The following ZFAND4 variants were observed in gnomAD, a reference collection of about 807,000 sequenced individuals.
The protein encoded by ZFAND4 is AN1-type zinc finger protein 4.
In ZFAND4, 43 loss-of-function variants were observed where a neutral mutation model predicts 64.4. The observed-to-expected ratio is 0.67, with a 90% CI of 0.52 to 0.86. The LOEUF (loss-of-function observed/expected upper bound fraction) is 0.86, where lower values mean the gene tolerates loss of function less well. Among genes scored for constraint, ZFAND4 ranks in the 40% least tolerant of loss-of-function variants. ZFAND4 has a pLI of 0.00. For synonymous variants in ZFAND4, 296 were observed against 305.7 expected (o/e 0.97, Z 0.33); for missense variants, 929 against 859.8 (o/e 1.08, Z -1.01).
rs1329469169 is a variant in ZFAND4, at chr10:45,616,170, A to G, written c.*266T>C. 7.4e-6 allele frequency: 3 copies of G among 406,180 alleles called. No individual in the cohort carries two copies. Among genetic ancestry groups the G allele is most frequent in the African/African-American group, 6.2e-5 (3 of 48,426 alleles). The allele number at this position is 406,180 out of a possible 1,614,324, so 25.2% of individuals were successfully genotyped here. ...ATTTGCCTAGTAAAACTGCAATATC[A>G]TATACAAAACACTTAACACAAGACA... On this transcript the variant is annotated 3_prime_UTR_variant, in exon 10 of 10. Coordinates refer to ENST00000344646, the MANE Select transcript of ZFAND4 (RefSeq NM_174890.4).
rs2048825804 is a variant in ZFAND4 at position 45,666,377 on chromosome 10, CTTT to C, written c.-117-2538_-117-2536del. Among the ~76,000 whole-genome samples the C allele has an allele frequency of 2.0e-5, 3 of 152,046 alleles. No individual in the cohort carries two copies. In the South Asian group the frequency reaches 6.2e-4, roughly 31 times the overall value. ...CTTTGGAGAAATGCCTATTCATATACTTTGTCTATTTTTTAATTGGATTTTTTA... is the reference window on the plus strand; with the variant it reads ...CTTTGGAGAAATGCCTATTCATATACGTCTATTTTTTAATTGGATTTTTTA... On this transcript the variant is annotated intron_variant, in intron 1 of 9. Coordinates refer to ENST00000344646, the MANE Select transcript of ZFAND4 (RefSeq NM_174890.4).
intron 2 of ZFAND4, among the ~76,000 whole-genome samples, chr10:45,655,280 G>C (rs991271417): frequency 4.6e-5 from 7 of 152,186 alleles, no homozygotes; most frequent in African/African-American, 7.2e-5. Flanking sequence ...AATCAAGATG[G>C]AGATTTAAAA....
chr10:45,618,597 C>T (rs2045178160), intron 8 of ZFAND4, among the ~76,000 whole-genome samples: 1 of 152,154 alleles, frequency 6.6e-6, no homozygotes, highest in South Asian at 2.1e-4. Flanking sequence ...GCTTCAAAAT[C>T]ATATTTGATG....
At chr10:45,662,569 C>T in intron 2 of ZFAND4, 1 of 984,318 alleles carries the variant, frequency 1.0e-6, no homozygotes, top group Non-Finnish European at 1.2e-6. Flanking sequence ...TATCATGACT[C>T]TAGATCTCAC....
Position 45,618,267 on chromosome 10 carries a change from A to G in ZFAND4, c.1928-7T>C. 1 of 1,609,282 alleles carries G rather than the reference A, an allele frequency of 6.2e-7. No individual in the cohort carries two copies. Among genetic ancestry groups the G allele is most frequent in the African/African-American group, 1.3e-5 (1 of 74,842 alleles). On this transcript the variant is annotated splice_region_variant and splice_polypyrimidine_tract_variant and intron_variant, in intron 8 of 9. Coordinates refer to ENST00000344646, the MANE Select transcript of ZFAND4 (RefSeq NM_174890.4). ...TGATGAGTAGTACATTCTCCTGTTT[A>G]GAGAAAGGACACCTTGATTAACACA...
chr10:45,639,864 C>G lies in ZFAND4; in HGVS notation c.669G>C (p.Lys223Asn), dbSNP rs1056255239. 5 of 1,612,946 alleles carry G rather than the reference C, an allele frequency of 3.1e-6. No homozygotes were observed. In the Admixed American group the frequency reaches 5.0e-5, roughly 16 times the overall value. ...QIIENSITMN[K>N]MKLLKAKMKN... ...TCATCTTAGCCTTCAGCAGCTTCAT[C>G]TTATTCATAGTTATTGAATTTTCAA... The change falls in exon 6 of 10, where the codon AAG becomes AAC. Residue 223 changes from lysine (K) to asparagine (N), a missense_variant. Physicochemically the swap from Lys to Asn is moderately conservative, Grantham distance 94. Coordinates refer to ENST00000344646, the MANE Select transcript of ZFAND4 (RefSeq NM_174890.4).
At chr10:45,633,202 C>T (rs1306469150) in intron 6 of ZFAND4, among the ~76,000 whole-genome samples, 14 of 144,448 alleles carry the variant, frequency 9.7e-5, no homozygotes, top group Non-Finnish European at 1.2e-4. Context: ...CATTCTAAGA[C>T]AGATCAAGTT....
chr10:45,637,655 C>A (rs2046702489), intron 6 of ZFAND4, among the ~76,000 whole-genome samples: 1 of 151,988 alleles, frequency 6.6e-6, no homozygotes, highest in South Asian at 2.1e-4. Flanking sequence ...GAGGCTGGGG[C>A]AGAAGAATTG....
At chr10:45,645,259 T>C (rs1301153004) in intron 5 of ZFAND4, among the ~76,000 whole-genome samples, 1 of 152,180 alleles carries the variant, frequency 6.6e-6, no homozygotes, top group Non-Finnish European at 1.5e-5. Context: ...TGAGCCACCA[T>C]GCCCTTTAAA....
At chr10:45,636,687 A>G (rs1022541992) in intron 6 of ZFAND4, among the ~76,000 whole-genome samples, 3 of 152,030 alleles carry the variant, frequency 2.0e-5, no homozygotes, top group Non-Finnish European at 4.4e-5. Flanking sequence ...AATATGGTTT[A>G]CCCTGGTAAA....
Position 45,618,267 on chromosome 10 carries a change from A to C in ZFAND4, c.1928-7T>G. On this transcript the variant is annotated splice_region_variant and splice_polypyrimidine_tract_variant and intron_variant, in intron 8 of 9. Coordinates refer to ENST00000344646, the MANE Select transcript of ZFAND4 (RefSeq NM_174890.4). ...TGATGAGTAGTACATTCTCCTGTTT[A>C]GAGAAAGGACACCTTGATTAACACA... is the stretch of plus-strand genomic sequence containing the variant. The C allele has an allele frequency of 6.2e-7, 1 of 1,609,282 alleles. No individual in the cohort carries two copies. Among genetic ancestry groups the C allele is most frequent in the Non-Finnish European group, 8.5e-7 (1 of 1,178,694 alleles).
chr10:45,637,995 A>C (rs1022946791), intron 6 of ZFAND4, among the ~76,000 whole-genome samples: 14 of 152,204 alleles, frequency 9.2e-5, no homozygotes, highest in African/African-American at 3.4e-4. Context: ...ACTTCACATA[A>C]AAAACGTATC....
intron 6 of ZFAND4, 154 bp downstream of exon 6, chr10:45,639,662 T>A: frequency 1.1e-6 from 1 of 882,070 alleles, no homozygotes; most frequent in Non-Finnish European, 1.6e-6. Context: ...AAAAATCCAA[T>A]TTATCCCTTT....
chr10:45,625,949 A>G lies in ZFAND4; in HGVS notation c.1872+2T>C. 1.2e-6 allele frequency: 2 copies of G among 1,611,878 alleles called. No individual in the cohort carries two copies. The highest frequency in any genetic ancestry group is 1.7e-6 in the Non-Finnish European group (2 of 1,179,372). On this transcript the variant is annotated splice_donor_variant, in intron 7 of 9. Transcript: ENST00000344646. LOFTEE classifies it high-confidence loss of function. ...AGAGCATGTTGAAAGGAAAATACTG[A>G]CCAAAAAAACTCCTGTATGTTCTAA...
chr10:45,637,044 T>C (rs1371892716), intron 6 of ZFAND4, among the ~76,000 whole-genome samples: 2 of 151,262 alleles, frequency 1.3e-5, no homozygotes, highest in Admixed American at 1.3e-4. Context: ...CTTTACGTTA[T>C]ATCAGAAAAA....
chr10:45,631,093 C>T (rs998641515), intron 6 of ZFAND4, among the ~76,000 whole-genome samples: 78 of 151,898 alleles, frequency 5.1e-4, no homozygotes, highest in Non-Finnish European at 5.6e-4. Context: ...CCGAGGCGGG[C>T]GGATCACCAG....
intron 5 of ZFAND4, 92 bp from the exon 6 acceptor site, chr10:45,640,055 C>G: frequency 7.1e-7 from 1 of 1,400,612 alleles, no homozygotes; most frequent in Admixed American, 2.5e-5. Flanking sequence ...ATAGAAGTTA[C>G]TAATGATAAA....
At chr10:45,622,841 T>C (rs1364038865) in intron 8 of ZFAND4, among the ~76,000 whole-genome samples, 1 of 152,176 alleles carries the variant, frequency 6.6e-6, no homozygotes, top group Non-Finnish European at 1.5e-5. Flanking sequence ...TGTCTGTCCA[T>C]GTACTGCCTG....
At position 45,625,978 on chromosome 10, in the gene ZFAND4, G is replaced by C. The variant is rs746227783; in HGVS notation, c.1845C>G (p.Pro615=). ...AAAAAACTCCTGTATGTTCTAACTG[G>C]GGAGAACTTTTCCTAAAGTTTTCTT... ...FQEENFRKSS[P]QLEHTGVFLS... Residue 615 remains proline, a synonymous_variant, in exon 7 of 10, where the codon CCC becomes CCG. Coordinates refer to ENST00000344646, the MANE Select transcript of ZFAND4 (RefSeq NM_174890.4). 7 of 1,613,912 alleles carry C rather than the reference G, an allele frequency of 4.3e-6. No individual in the cohort carries two copies. The African/African-American group carries it at 8.0e-5, about 18-fold the overall frequency.
Sources: allele counts gnomAD v4.1 joint callset (sites outside exome capture counted in the v4.1 genomes callset), GRCh38; gene constraint gnomAD v4.1.1; transcripts MANE v1.5; gene names NCBI Gene and HGNC (gene_info 2026-07-23, HGNC 2026-07-21).